Variants in ITGA8 observed in about 807,000 individuals in gnomAD.
ITGA8 encodes integrin alpha-8.
A neutral mutation model predicts 142.3 loss-of-function variants in ITGA8; 91 were observed. That is an observed-to-expected ratio of 0.64 (90% CI 0.54 to 0.76). The LOEUF is 0.76. Ranked by LOEUF, ITGA8 falls within the 30% of genes least tolerant of loss-of-function variation. The pLI is 0.00. For synonymous variants in ITGA8, 505 were observed against 485.2 expected, an observed-to-expected ratio of 1.04 and a Z score of -0.54; for missense variants, 1,406 against 1,327.7, an observed-to-expected ratio of 1.06 and a Z score of -0.92.
At chr10:15,585,332 T>C (rs1233873453) in intron 23 of ITGA8, among the ~76,000 whole-genome samples, 1 of 152,206 alleles carries the variant, frequency 6.6e-6, no homozygotes, top group Non-Finnish European at 1.5e-5. Flanking sequence ...TTCCCTCACC[T>C]GTACAAGGAG....
intron 2 of ITGA8, among the ~76,000 whole-genome samples, chr10:15,716,004 A>G (rs931493942): frequency 6.6e-6 from 1 of 152,184 alleles, no homozygotes; most frequent in African/African-American, 2.4e-5. Context: ...TTCTGGGCCC[A>G]TAGTACCCCC....
chr10:15,605,589 GT>G (rs1833179909), intron 19 of ITGA8, 134 bp downstream of exon 19: 2 of 713,890 alleles, frequency 2.8e-6, no homozygotes, highest in Non-Finnish European at 4.9e-6. Context: ...AACCCAAAGT[GT>G]AGCCAAGCTC....
chr10:15,694,111 A>T (rs926759193), intron 2 of ITGA8, among the ~76,000 whole-genome samples: 8 of 146,172 alleles, frequency 5.5e-5, no homozygotes, highest in African/African-American at 2.0e-4. Context: ...CCTATATATT[A>T]TATATCATAT....
chr10:15,658,370 CTTCCCATTG>C (rs1564395594), intron 10 of ITGA8, among the ~76,000 whole-genome samples: 1 of 152,148 alleles, frequency 6.6e-6, no homozygotes, highest in Non-Finnish European at 1.5e-5. Context: ...TACGAAACCA[CTTCCCATTG>C]TTCTTAGAAA....
rs922107517 is a variant in ITGA8, at chr10:15,592,282, G to A, written c.2234C>T (p.Ala745Val). The change falls in exon 22 of 30, where the codon GCA (alanine) becomes GTA (valine). Residue 745 changes from alanine to valine, a missense_variant. Ala to Val is a moderately conservative substitution (Grantham distance 64). Coordinates refer to ENST00000378076, the MANE Select transcript of ITGA8 (RefSeq NM_003638.3). ...GTTTGTTTTCTCAAGACGTGGAACT[G>A]CAAATCGGAGGCCCAGGGAATACTA... ...GTNYSLGLRF[A>V]VPRLEKTNMS... 4.3e-6 allele frequency: 7 copies of A among 1,613,098 alleles called. No homozygotes were observed. In the African/African-American group the frequency reaches 6.7e-5, roughly 15 times the overall value.
At chr10:15,602,714 G>C (rs1393640530) in intron 20 of ITGA8, among the ~76,000 whole-genome samples, 1 of 150,304 alleles carries the variant, frequency 6.7e-6, no homozygotes. Context: ...CTCCATCCTG[G>C]GAAACAGAGC....
intron 13 of ITGA8, among the ~76,000 whole-genome samples, chr10:15,640,876 A>G (rs562149618): frequency 1.3e-5 from 2 of 152,284 alleles, no homozygotes; most frequent in African/African-American, 4.8e-5. Context: ...CAGACAATGG[A>G]ACGAGCCACA....
intron 23 of ITGA8, among the ~76,000 whole-genome samples, chr10:15,582,873 G>A (rs1355065398): frequency 1.3e-5 from 2 of 152,242 alleles, no homozygotes; most frequent in Non-Finnish European, 2.9e-5. Context: ...CAGTTGCACA[G>A]TTTCTTATAA....
At chr10:15,604,911 AT>A (rs887624462) in intron 19 of ITGA8, among the ~76,000 whole-genome samples, 3 of 152,178 alleles carry the variant, frequency 2.0e-5, no homozygotes, top group African/African-American at 7.2e-5. Context: ...ACTTCAAGGT[AT>A]TTTGAAGACA....
chr10:15,713,342 T>C (rs1012347847), intron 2 of ITGA8, among the ~76,000 whole-genome samples: 1 of 152,218 alleles, frequency 6.6e-6, no homozygotes, highest in African/African-American at 2.4e-5. Flanking sequence ...GTGCACACAC[T>C]GCTTCTTTTT....
Position 15,719,860 on chromosome 10 carries a change from C to G in ITGA8, c.-89G>C. 9.8e-7 allele frequency: 1 copy of G among 1,019,158 alleles called. No individual in the cohort carries two copies. The highest frequency in any genetic ancestry group is 1.3e-6 in the Non-Finnish European group (1 of 780,142). The allele number at this position is 1,019,158 out of a possible 1,614,324, so 63.1% of individuals were successfully genotyped here. On this transcript the variant is annotated 5_prime_UTR_variant, in exon 1 of 30. Coordinates refer to ENST00000378076, the MANE Select transcript of ITGA8 (RefSeq NM_003638.3). ...GGGGGGCTGGTGGAATCTGGCGGTCCCCAGCTGCCCGTGTCCCGGGTCGGT... is the reference window on the plus strand; with the variant it reads ...GGGGGGCTGGTGGAATCTGGCGGTCGCCAGCTGCCCGTGTCCCGGGTCGGT...
chr10:15,669,268 T>G (rs1834460946), intron 8 of ITGA8, among the ~76,000 whole-genome samples: 1 of 152,214 alleles, frequency 6.6e-6, no homozygotes, highest in Admixed American at 6.5e-5. Context: ...TTTCATTCAT[T>G]TTGTCTTCCA....
At chr10:15,570,208 T>C (rs1185318180) in intron 25 of ITGA8, among the ~76,000 whole-genome samples, 2 of 152,246 alleles carry the variant, frequency 1.3e-5, no homozygotes, top group East Asian at 3.8e-4. Context: ...TTAAATCTTA[T>C]ATTCAATTTC....
chr10:15,552,419 T>C (rs1004759788), intron 26 of ITGA8, among the ~76,000 whole-genome samples: 2 of 152,194 alleles, frequency 1.3e-5, no homozygotes, highest in Admixed American at 6.5e-5. Context: ...ATTACAAGCA[T>C]GAGACACTAC....
chr10:15,710,228 A>G (rs1835338761), intron 2 of ITGA8, among the ~76,000 whole-genome samples: 1 of 152,218 alleles, frequency 6.6e-6, no homozygotes, highest in East Asian at 1.9e-4. Flanking sequence ...AAGAAGTTGT[A>G]GACACAATTT....
rs371954074 is a variant in ITGA8, at chr10:15,643,999, C to G, written c.1399+31G>C. 6.3e-6 allele frequency: 10 copies of G among 1,588,536 alleles called. No homozygotes were observed. The South Asian group carries it at 7.9e-5, about 13-fold the overall frequency. On this transcript the variant is annotated intron_variant, in intron 13 of 29. Coordinates refer to ENST00000378076, the MANE Select transcript of ITGA8 (RefSeq NM_003638.3). ...AATGGACTCTATTTCAGGACGTAGA[C>G]TCTCACGTGGGAAAAGAAAGAAAAC... is the stretch of plus-strand genomic sequence containing the variant.
intron 23 of ITGA8, among the ~76,000 whole-genome samples, chr10:15,585,539 T>C (rs1369935573): frequency 6.6e-6 from 1 of 152,136 alleles, no homozygotes; most frequent in Non-Finnish European, 1.5e-5. Flanking sequence ...TAAACCACCG[T>C]GGAAAAGGAA....
Position 15,608,352 on chromosome 10 carries a change from C to A in ITGA8, c.1554-62G>T, listed in dbSNP as rs1043977664. On this transcript the variant is annotated intron_variant, in intron 15 of 29. Coordinates refer to ENST00000378076, the MANE Select transcript of ITGA8 (RefSeq NM_003638.3). ...TTTTGAATCTAAAGTAGAAGCCTTC[C>A]TTTACCTAATCCCAGATAACGAATA... 4.2e-6 allele frequency: 4 copies of A among 952,432 alleles called. No homozygotes were observed. The African/African-American group carries it at 6.7e-5, about 16-fold the overall frequency. 59.0% of individuals were successfully genotyped at this position (952,432 alleles called of 1,614,324 possible).
chr10:15,531,914 C>T (rs989682269), intron 27 of ITGA8, among the ~76,000 whole-genome samples: 5 of 151,960 alleles, frequency 3.3e-5, no homozygotes, highest in African/African-American at 1.2e-4. Context: ...CACTGCGCTC[C>T]GACCTGGGCA....
Sources: allele counts gnomAD v4.1 joint callset (sites outside exome capture counted in the v4.1 genomes callset), GRCh38; gene constraint gnomAD v4.1.1; transcripts MANE v1.5; gene names NCBI Gene and HGNC (gene_info 2026-07-23, HGNC 2026-07-21).